Variants in FRAS1 observed in about 807,000 individuals in gnomAD.
FRAS1 encodes extracellular matrix organizing protein FRAS1.
Under a neutral mutation model 435.2 loss-of-function variants are expected in FRAS1, and 290 were observed. The ratio of observed to expected loss-of-function variants is 0.67; its 90% CI spans 0.61 to 0.73. FRAS1 has a LOEUF of 0.73. Among genes scored for constraint, FRAS1 ranks in the 30% least tolerant of loss-of-function variants. FRAS1 has a pLI of 0.00. For synonymous variants in FRAS1, 1,800 were observed against 1,851.0 expected, an observed-to-expected ratio of 0.97 and a Z score of 0.71; for missense variants, 4,860 against 5,001.5, an observed-to-expected ratio of 0.97 and a Z score of 0.85.
Position 78,432,400 on chromosome 4 carries a change from G to C in FRAS1, c.5013G>C (p.Gln1671His), listed in dbSNP as rs759800698. The C allele has an allele frequency of 6.2e-7, 1 of 1,609,774 alleles. No homozygotes were observed. Among genetic ancestry groups the C allele is most frequent in the South Asian group, 1.1e-5 (1 of 90,100 alleles). ...TYEDVEKNAL[Q>H]YIHDGSSTRE... Reference sequence around the variant, plus strand: ...AGGATGTTGAGAAAAATGCTCTACAGTATATACATGATGGTTCCTCTACCC... The same window carrying C: ...AGGATGTTGAGAAAAATGCTCTACACTATATACATGATGGTTCCTCTACCC... The change falls in exon 38 of 74, where the codon CAG becomes CAC. Residue 1671 changes from glutamine (Q) to histidine (H), a missense_variant. Transcript: ENST00000512123.
rs778153138 is a variant in FRAS1, at chr4:78,375,892, C to G, written c.3292+13C>G. On this transcript the variant is annotated intron_variant, in intron 26 of 73. Transcript: ENST00000512123. ...GAAACATGTTCTGGTAAGTGCTTCT[C>G]CTCAGATGGTCTGGTGAATTTACCA... The G allele has an allele frequency of 5.6e-6, 9 of 1,613,410 alleles. No homozygotes were observed. Among genetic ancestry groups the G allele is most frequent in the Non-Finnish European group, 7.6e-6 (9 of 1,179,620 alleles).
rs1170461496 is a variant in FRAS1 at position 78,400,828 on chromosome 4, C to T, written c.4070C>T (p.Ala1357Val). ...ACCAACAGAATCTTACAGGCCGAGG[C>T]TCCTGGTGCCAGTGCTGAAGAAATC... ...QITNRILQAE[A>V]PGASAEEIIY... The change falls in exon 30 of 74, where the codon GCT (alanine) becomes GTT (valine). Residue 1357 changes from alanine to valine, a missense_variant. By Grantham distance (64) the Ala-to-Val change is moderately conservative. Transcript: ENST00000512123. 2 of 1,613,780 alleles carry T rather than the reference C, an allele frequency of 1.2e-6. No individual in the cohort carries two copies. Among genetic ancestry groups the T allele is most frequent in the Admixed American group, 1.7e-5 (1 of 60,002 alleles).
Position 78,475,582 on chromosome 4 carries a change from G to A in FRAS1, c.7827G>A (p.Gln2609=). The A allele has an allele frequency of 1.9e-6, 3 of 1,609,024 alleles. No individual in the cohort carries two copies. Among genetic ancestry groups the A allele is most frequent in the South Asian group, 2.2e-5 (2 of 90,408 alleles). Residue 2609 remains glutamine, a synonymous_variant, in exon 54 of 74, where the codon CAG becomes CAA. Transcript: ENST00000512123. ...SSRVSSQPGQ[Q]DYVEYAGQVQ... is the part of the protein sequence containing the mutation. ...GGGTCAGCTCCCAACCTGGGCAACA[G>A]GACTATGTAGAGTATGCTGGCCAGG...
rs1456580763 is a variant in FRAS1 at position 78,499,650 on chromosome 4, T to C, written c.9116-71T>C. 6 of 1,357,664 alleles carry C rather than the reference T, an allele frequency of 4.4e-6. No individual in the cohort carries two copies. The East Asian group carries it at 1.4e-4, about 32-fold the overall frequency. The allele number at this position is 1,357,664 out of a possible 1,614,324, so 84.1% of individuals were successfully genotyped here. A position where few individuals can be genotyped will look rare whatever the true frequency, so the allele number is the denominator to read the frequency against. On this transcript the variant is annotated intron_variant, in intron 60 of 73. Transcript: ENST00000512123. ...ACAATTTCCTCTTGTCATTATAAGG[T>C]GTTTTCCTGGGAGTCTGAATCCTTT...
At chr4:78,205,030 T>C (rs2110079468) in intron 2 of FRAS1, among the ~76,000 whole-genome samples, 1 of 152,252 alleles carries the variant, frequency 6.6e-6, no homozygotes, top group South Asian at 2.1e-4. Context: ...CCAGGGGACT[T>C]GCTGGGTGGT....
intron 2 of FRAS1, among the ~76,000 whole-genome samples, chr4:78,104,001 T>C (rs1346232454): frequency 1.3e-5 from 2 of 152,236 alleles, no homozygotes; most frequent in African/African-American, 4.8e-5. Flanking sequence ...ACCAGTAGAA[T>C]GCAACATGCA....
chr4:78,390,100 T>A (rs934977222), intron 29 of FRAS1, among the ~76,000 whole-genome samples: 16 of 152,206 alleles, frequency 1.1e-4, no homozygotes, highest in African/African-American at 3.9e-4. Flanking sequence ...ACTGCAATAC[T>A]GGCAACATTA....
intron 2 of FRAS1, among the ~76,000 whole-genome samples, chr4:78,132,911 G>T (rs1371799450): frequency 6.6e-6 from 1 of 152,124 alleles, no homozygotes; most frequent in East Asian, 1.9e-4. Context: ...GCTGTCTGCT[G>T]GCCCACGCCA....
At chr4:78,455,123 C>A (rs1719148541) in intron 47 of FRAS1, among the ~76,000 whole-genome samples, 1 of 152,128 alleles carries the variant, frequency 6.6e-6, no homozygotes, top group Non-Finnish European at 1.5e-5. Flanking sequence ...CTCTGAGGGG[C>A]CCCTCCCCGT....
rs61700494 is a variant in FRAS1, at chr4:78,213,371, A to C, written c.109-24139A>C. On this transcript the variant is annotated intron_variant, in intron 2 of 73. Coordinates refer to ENST00000512123, the MANE Select transcript of FRAS1 (RefSeq NM_025074.7). ...TGCTTTCCACTTGGGCATGACCCAAAGGTTACACACGATATTTCCATTGAC... is the reference window on the plus strand; with the variant it reads ...TGCTTTCCACTTGGGCATGACCCAACGGTTACACACGATATTTCCATTGAC... 8.8e-3 allele frequency among the ~76,000 whole-genome samples: 1,344 copies of C among 152,380 alleles called. 23 individuals are homozygous for C. Among genetic ancestry groups the C allele is most frequent in the African/African-American group, 0.03 (1,262 of 41,596 alleles).
chr4:78,303,697 A>G (rs1472101758), intron 14 of FRAS1, among the ~76,000 whole-genome samples: 1 of 152,122 alleles, frequency 6.6e-6, no homozygotes, highest in East Asian at 1.9e-4. Flanking sequence ...ATTTTTGTAC[A>G]TTGATTTTGT....
rs548851758 is a variant in FRAS1 at position 78,416,824 on chromosome 4, G to A, written c.4426-2125G>A. On this transcript the variant is annotated intron_variant, in intron 32 of 73. Transcript: ENST00000512123. ...TGTTGTGCTGAAAGGGAGTGTAGGG[G>A]AGGCAAGAGAGCAATTGGGAGGCCA... Among the ~76,000 whole-genome samples, 45 of 152,222 alleles carry A rather than the reference G, an allele frequency of 3.0e-4. No individual in the cohort carries two copies. The East Asian group carries it at 8.5e-3, about 29-fold the overall frequency.
intron 2 of FRAS1, among the ~76,000 whole-genome samples, chr4:78,105,467 G>T (rs1273337722): frequency 6.6e-6 from 1 of 152,184 alleles, no homozygotes; most frequent in East Asian, 1.9e-4. Flanking sequence ...TAAACCATGA[G>T]CTCTTTATTT....
In FRAS1 at chr4:78,334,490, C is replaced by T. The variant is rs564336661; in HGVS notation, c.2278+1078C>T. On this transcript the variant is annotated intron_variant, in intron 19 of 73. Coordinates refer to ENST00000512123, the MANE Select transcript of FRAS1 (RefSeq NM_025074.7). Reference sequence around the variant, plus strand: ...GGTTCAAGCAATTCTTCTGCCTCAGCCTCCCGAGTAGCTGGGATTACAAGT... The same window carrying T: ...GGTTCAAGCAATTCTTCTGCCTCAGTCTCCCGAGTAGCTGGGATTACAAGT... Among the ~76,000 whole-genome samples, 356 of 150,984 alleles carry T rather than the reference C, an allele frequency of 2.4e-3. 1 individual carries two copies. Among genetic ancestry groups the T allele is most frequent in the African/African-American group, 8.2e-3 (338 of 41,016 alleles).
chr4:78,420,673 C>A (rs1396782650), intron 33 of FRAS1, among the ~76,000 whole-genome samples: 2 of 127,330 alleles, frequency 1.6e-5, no homozygotes, highest in African/African-American at 5.3e-5. Flanking sequence ...TGAGAAAAAT[C>A]TTTTTATAGC....
intron 50 of FRAS1, among the ~76,000 whole-genome samples, chr4:78,467,389 C>T (rs1719565375): frequency 6.6e-6 from 1 of 152,192 alleles, no homozygotes; most frequent in South Asian, 2.1e-4. Flanking sequence ...CATGTTGTTG[C>T]AAATGACTGA....
chr4:78,321,303 T>C (rs1234946635), intron 18 of FRAS1, among the ~76,000 whole-genome samples: 4 of 152,140 alleles, frequency 2.6e-5, no homozygotes, highest in African/African-American at 9.7e-5. Context: ...CTCAAAGTCA[T>C]GTAGCCAGCA....
At chr4:78,391,108 A>G (rs1160934333) in intron 29 of FRAS1, among the ~76,000 whole-genome samples, 1 of 152,174 alleles carries the variant, frequency 6.6e-6, no homozygotes, top group African/African-American at 2.4e-5. Context: ...CCTGCCTTCC[A>G]ATTCATCTCT....
At chr4:78,182,185 A>G (rs1273804085) in intron 2 of FRAS1, 4 of 661,060 alleles carry the variant, frequency 6.1e-6, no homozygotes, top group Admixed American at 3.4e-5. Flanking sequence ...TGACCATAGA[A>G]TTATATTTGT....
Sources: allele counts gnomAD v4.1 joint callset (sites outside exome capture counted in the v4.1 genomes callset), GRCh38; gene constraint gnomAD v4.1.1; transcripts MANE v1.5; gene names NCBI Gene and HGNC (gene_info 2026-07-23, HGNC 2026-07-21).